The following TRERF1 variants were observed in gnomAD, a reference collection of about 807,000 sequenced individuals.
TRERF1 encodes the protein transcriptional-regulating factor 1.
Under a neutral mutation model 122.9 loss-of-function variants are expected in TRERF1, and 27 were observed. The ratio of observed to expected loss-of-function variants is 0.22; its 90% CI spans 0.16 to 0.30. TRERF1 has a LOEUF of 0.30. Ranked by LOEUF, TRERF1 falls within the 10% of genes least tolerant of loss-of-function variation. TRERF1 has a pLI of 1.00. For synonymous variants in TRERF1, 636 were observed against 641.7 expected (o/e 0.99, Z 0.13); for missense variants, 1,248 against 1,560.3 (o/e 0.80, Z 3.37).
rs1465258450 is a variant in TRERF1, at chr6:42,268,493, G to A, written c.1098C>T (p.Val366=). The change falls in exon 5 of 18, where the codon GTC becomes GTT. Residue 366 remains valine, a synonymous_variant. Coordinates refer to ENST00000372922, the Ensembl canonical transcript of TRERF1. The surrounding 1 kb of genome is among the most constrained non-coding windows in gnomAD (Gnocchi z 4.4). ...ACATGGAGCCCAGGGGAATCAGCTG[G>A]ACAGTGTGTGCCTGCTCTGGGGTAT... is the stretch of plus-strand genomic sequence containing the variant. 5.6e-6 allele frequency: 9 copies of A among 1,612,318 alleles called. No homozygotes were observed. The highest frequency in any genetic ancestry group is 6.8e-6 in the Non-Finnish European group (8 of 1,179,058).
intron 3 of TRERF1, among the ~76,000 whole-genome samples, chr6:42,346,454 G>A (rs1416814624): frequency 6.6e-6 from 1 of 152,316 alleles, no homozygotes. Context: ...AGCCAGAGAG[G>A]AAGAGAAGCA....
rs147392486 is a variant in TRERF1 at position 42,228,401 on chromosome 6, C to A, written c.3547G>T (p.Asp1183Tyr). The change falls in exon 18 of 18, where the codon GAT becomes TAT. Residue 1183 changes from aspartate (D) to tyrosine (Y), a missense_variant. By Grantham distance (160) the Asp-to-Tyr change is radical. Transcript: ENST00000372922. The surrounding 1 kb of genome is among the most constrained non-coding windows in gnomAD (Gnocchi z 4.2). ...GAATCTTGATCATCCAAGAGAAGAT[C>A]GGTGTCCACAACTTCAGCCTCTTCC... 3.1e-6 allele frequency: 5 copies of A among 1,614,174 alleles called. No individual in the cohort carries two copies. Among genetic ancestry groups the A allele is most frequent in the South Asian group, 1.1e-5 (1 of 91,092 alleles).
intron 3 of TRERF1, among the ~76,000 whole-genome samples, chr6:42,356,245 T>C (rs1482079753): frequency 1.3e-5 from 2 of 152,044 alleles, no homozygotes; most frequent in African/African-American, 4.8e-5. Context: ...GACTCAAGAG[T>C]TGTTTCGGAC....
At chr6:42,358,537 C>T (rs1247073648) in intron 3 of TRERF1, among the ~76,000 whole-genome samples, 9 of 152,168 alleles carry the variant, frequency 5.9e-5, no homozygotes, top group African/African-American at 9.7e-5. Context: ...GGGGCAGTGC[C>T]CACCCTCCCT....
intron 2 of TRERF1, among the ~76,000 whole-genome samples, chr6:42,442,105 C>G (rs1361631446): frequency 6.6e-6 from 1 of 152,060 alleles, no homozygotes; most frequent in African/African-American, 2.4e-5. Context: ...CAAAGAAAAG[C>G]GAACTCAAGC....
chr6:42,317,788 A>C (rs1273599343), intron 3 of TRERF1, among the ~76,000 whole-genome samples: 2 of 152,038 alleles, frequency 1.3e-5, no homozygotes, highest in Non-Finnish European at 2.9e-5. Context: ...TAAACTTTTT[A>C]AGATATAGTT....
At chr6:42,278,630 T>C (rs950783983) in intron 4 of TRERF1, among the ~76,000 whole-genome samples, 2 of 152,154 alleles carry the variant, frequency 1.3e-5, no homozygotes, top group Non-Finnish European at 2.9e-5. Context: ...CAACCCACAG[T>C]TGATACCATC....
chr6:42,366,693 C>T (rs1772793446), intron 2 of TRERF1, among the ~76,000 whole-genome samples: 1 of 152,180 alleles, frequency 6.6e-6, no homozygotes, highest in Admixed American at 6.5e-5. Flanking sequence ...ACAGTCAGGA[C>T]TGGGCAACCA....
chr6:42,279,100 G>T (rs1357907422), intron 4 of TRERF1, among the ~76,000 whole-genome samples: 1 of 152,322 alleles, frequency 6.6e-6, no homozygotes, highest in Middle Eastern at 3.4e-3. Flanking sequence ...AAGAACAACT[G>T]GTGACCCCAG....
chr6:42,436,135 G>A (rs1785312793), intron 2 of TRERF1, among the ~76,000 whole-genome samples: 2 of 152,164 alleles, frequency 1.3e-5, no homozygotes, highest in South Asian at 2.1e-4. Flanking sequence ...TTGGGAGGTT[G>A]AGGCAGGTGG....
At chr6:42,279,240 C>T (rs956564540) in intron 4 of TRERF1, among the ~76,000 whole-genome samples, 4 of 152,040 alleles carry the variant, frequency 2.6e-5, no homozygotes, top group Non-Finnish European at 4.4e-5. Context: ...CTCTGCAGGG[C>T]ACCTGGCTGG....
chr6:42,367,327 C>T (rs991957722), intron 2 of TRERF1, among the ~76,000 whole-genome samples: 3 of 152,098 alleles, frequency 2.0e-5, no homozygotes, highest in Admixed American at 6.5e-5. Context: ...GGCAGAAGTC[C>T]GCAAAGAAAC....
intron 3 of TRERF1, among the ~76,000 whole-genome samples, chr6:42,361,666 C>T (rs1450551474): frequency 1.3e-5 from 2 of 152,190 alleles, no homozygotes; most frequent in Non-Finnish European, 2.9e-5. Context: ...CTCAAACATA[C>T]ACAAAAGCCT....
rs539901356 is a variant in TRERF1, at chr6:42,443,121, T to C, written c.-454+8056A>G. 2.0e-5 allele frequency among the ~76,000 whole-genome samples: 3 copies of C among 152,326 alleles called. No homozygotes were observed. In the East Asian group the frequency reaches 5.8e-4, roughly 29 times the overall value. ...CTTCCTTCTCTCTATGAAACCAAATTGCTATCAGTTCCACTGTTTTTCAAA... is the reference window on the plus strand; with the variant it reads ...CTTCCTTCTCTCTATGAAACCAAATCGCTATCAGTTCCACTGTTTTTCAAA... On this transcript the variant is annotated intron_variant, in intron 2 of 17. Transcript: ENST00000372922.
At chr6:42,255,434 G>C (rs941416329) in intron 12 of TRERF1, among the ~76,000 whole-genome samples, 4 of 152,226 alleles carry the variant, frequency 2.6e-5, no homozygotes, top group African/African-American at 9.6e-5. Context: ...AGATGCCGCA[G>C]GCAGAGTTGA....
At chr6:42,414,156 T>G (rs1203717759) in intron 2 of TRERF1, among the ~76,000 whole-genome samples, 3 of 152,190 alleles carry the variant, frequency 2.0e-5, no homozygotes, top group African/African-American at 7.2e-5. Context: ...AGACACAAAC[T>G]GAGCAGCAAC....
intron 3 of TRERF1, among the ~76,000 whole-genome samples, chr6:42,313,891 G>A (rs935289734): frequency 1.3e-5 from 2 of 152,152 alleles, no homozygotes; most frequent in African/African-American, 4.8e-5. Context: ...GAGAGCCATG[G>A]TCTTTATGGA....
intron 13 of TRERF1, among the ~76,000 whole-genome samples, chr6:42,251,568 G>A (rs1365332428): frequency 6.6e-6 from 1 of 152,056 alleles, no homozygotes; most frequent in East Asian, 1.9e-4. Context: ...GTTAGGCAAG[G>A]TAAAAGAGTA....
At chr6:42,377,417 C>T (rs1311205519) in intron 2 of TRERF1, among the ~76,000 whole-genome samples, 1 of 152,192 alleles carries the variant, frequency 6.6e-6, no homozygotes, top group Non-Finnish European at 1.5e-5. Context: ...GGATTGTACA[C>T]CATATGGCCT....
Sources: gnomAD v4.1 joint callset for allele counts (sites outside exome capture counted in the v4.1 genomes callset) on GRCh38, gnomAD v4.1.1 for gene constraint, Gnocchi (gnomAD v3.1) non-coding constraint, MANE v1.5 for transcripts, NCBI Gene and HGNC (gene_info 2026-07-23, HGNC 2026-07-21) for gene names.